The following COG7 variants were observed in gnomAD, a reference collection of about 807,000 sequenced individuals.
COG7 encodes component of oligomeric golgi complex 7.
COG7 carries 49 observed loss-of-function variants against 91.5 expected under a neutral mutation model. The ratio of observed to expected loss-of-function variants is 0.54; its 90% CI spans 0.43 to 0.68. The LOEUF is 0.68. Ranked by LOEUF, COG7 falls within the 30% of genes least tolerant of loss-of-function variation. The pLI is 0.00. For missense variants in COG7, 895 were observed against 961.3 expected, an observed-to-expected ratio of 0.93 and a Z score of 0.91; for synonymous variants, 365 against 388.7, an observed-to-expected ratio of 0.94 and a Z score of 0.72.
chr16:23,407,756 T>A (rs1369397647), intron 11 of COG7, among the ~76,000 whole-genome samples: 2 of 152,112 alleles, frequency 1.3e-5, no homozygotes, highest in Admixed American at 1.3e-4. Flanking sequence ...GAAGGATGGG[T>A]GACCCTGGCT....
chr16:23,431,917 G>A (rs565299694), intron 6 of COG7, among the ~76,000 whole-genome samples: 1 of 152,126 alleles, frequency 6.6e-6, no homozygotes, highest in East Asian at 1.9e-4. Context: ...CAAAGTGGGA[G>A]GATTACTTGA....
chr16:23,452,465 C>G (rs1040187307), intron 1 of COG7, among the ~76,000 whole-genome samples: 1 of 151,896 alleles, frequency 6.6e-6, no homozygotes, highest in Non-Finnish European at 1.5e-5. Context: ...CCTAGCGACT[C>G]GAGAGGCGAG....
intron 4 of COG7, among the ~76,000 whole-genome samples, chr16:23,439,072 C>A (rs192655721): frequency 6.6e-6 from 1 of 150,384 alleles, no homozygotes; most frequent in Non-Finnish European, 1.5e-5. Flanking sequence ...GCACAAGAAT[C>A]GCTTCAATCT....
intron 4 of COG7, 85 bp from the exon 5 acceptor site, chr16:23,434,803 T>C (rs1018001414): frequency 1.2e-5 from 10 of 863,994 alleles, no homozygotes; most frequent in Admixed American, 5.6e-5. Flanking sequence ...AAGGTGGATA[T>C]ATGGAAGCTA....
chr16:23,392,358 C>T (rs369261201), intron 16 of COG7, 22 bp downstream of exon 16: 5 of 1,613,914 alleles, frequency 3.1e-6, no homozygotes, highest in African/African-American at 1.3e-5. Flanking sequence ...TCCCTCCCAC[C>T]GCCTGTCTTG....
In COG7 at chr16:23,406,253, G is replaced by A. The variant is rs1208681624; in HGVS notation, c.1485C>T (p.Ser495=). 3 of 1,613,776 alleles carry A rather than the reference G, an allele frequency of 1.9e-6. No individual in the cohort carries two copies. Among genetic ancestry groups the A allele is most frequent in the East Asian group, 4.5e-5 (2 of 44,888 alleles). The change falls in exon 12 of 17, where the codon TCC becomes TCT. Residue 495 remains serine (S), a synonymous_variant. Transcript: ENST00000307149. ...FEQQLANRIL[S]TAGKYLSDSC... ...AATCAGATAGATACTTCCCAGCTGT[G>A]GACAAAATCCTGTAATGAAAGGAAT...
chr16:23,393,232 C>CAA lies in COG7; in HGVS notation c.2002_2002+1insTT (p.Gly668ValfsTer37). ...CATCGCCAGAAACGGTCCCCGCTTA[C>CAA]CCTGCTCAGGAGGAAATGGCAGCTT... On this transcript the variant is annotated frameshift_variant and splice_region_variant. Transcript: ENST00000307149. LOFTEE classifies it high-confidence loss of function. 1 of 1,611,354 alleles carries CAA rather than the reference C, an allele frequency of 6.2e-7. No individual in the cohort carries two copies. The highest frequency in any genetic ancestry group is 8.5e-7 in the Non-Finnish European group (1 of 1,177,828).
chr16:23,433,236 T>C (rs1300122856), intron 6 of COG7, among the ~76,000 whole-genome samples: 1 of 152,010 alleles, frequency 6.6e-6, no homozygotes, highest in Non-Finnish European at 1.5e-5. Flanking sequence ...TCCTTAGTAA[T>C]TGTGCCACCA....
chr16:23,449,159 C>T (rs991647455), intron 1 of COG7, among the ~76,000 whole-genome samples: 10 of 151,806 alleles, frequency 6.6e-5, no homozygotes, highest in South Asian at 2.1e-4. Context: ...GTCAGGAGAT[C>T]GAGACCATTC....
rs898850977 is a variant in COG7, at chr16:23,428,692, CT to C, written c.811-3746del. Among the ~76,000 whole-genome samples the C allele has an allele frequency of 1.7e-3, 232 of 134,652 alleles. 1 individual carries two copies. Among genetic ancestry groups the C allele is most frequent in the South Asian group, 8.5e-3 (35 of 4,102 alleles). The allele number at this position is 134,652 out of a possible 152,430, so 88.3% of individuals were successfully genotyped here. On this transcript the variant is annotated intron_variant, in intron 6 of 16. Coordinates refer to ENST00000307149, the MANE Select transcript of COG7 (RefSeq NM_153603.4). ...TTTGAGCAATGTGGTTGTTTCTTTTCTTTTTTTTTTTTTTTTTGAGATGGAG... is the reference window on the plus strand; with the variant it reads ...TTTGAGCAATGTGGTTGTTTCTTTTCTTTTTTTTTTTTTTTTGAGATGGAG...
intron 16 of COG7, 113 bp from the exon 17 acceptor site, chr16:23,389,199 C>A: frequency 1.5e-6 from 2 of 1,325,838 alleles, no homozygotes; most frequent in East Asian, 2.5e-5. Flanking sequence ...TGCCAAGTCC[C>A]TAGATGTGGG....
In COG7 at chr16:23,418,691, C is replaced by G; in HGVS notation, c.1137+9G>C. On this transcript the variant is annotated intron_variant, in intron 8 of 16. Transcript: ENST00000307149. The stretch of plus-strand genomic sequence containing the variant: ...CTTCCTCAGTGGCCCCAGGACACTG[C>G]GACTTTACCAGAGGCACAGCACTCA... The G allele has an allele frequency of 6.2e-7, 1 of 1,612,860 alleles. No homozygotes were observed. Among genetic ancestry groups the G allele is most frequent in the Non-Finnish European group, 8.5e-7 (1 of 1,179,594 alleles).
chr16:23,440,950 C>A (rs1964091095), intron 4 of COG7, among the ~76,000 whole-genome samples: 1 of 151,728 alleles, frequency 6.6e-6, no homozygotes. Flanking sequence ...TGAGAGGGAG[C>A]AGGCAAACAT....
chr16:23,396,671 T>C (rs535788416), intron 14 of COG7, among the ~76,000 whole-genome samples: 4 of 151,742 alleles, frequency 2.6e-5, no homozygotes, highest in Non-Finnish European at 5.9e-5. Context: ...AGAGGCTCCA[T>C]CTCAAAAATA....
rs188205055 is a variant in COG7 at position 23,402,415 on chromosome 16, A to T, written c.1803+1279T>A. ...TAAATACCTATACAATTTTTATTTT[A>T]AAAAAATCAAGTAAGTCATTCTTCT... On this transcript the variant is annotated intron_variant, in intron 13 of 16. Coordinates refer to ENST00000307149, the MANE Select transcript of COG7 (RefSeq NM_153603.4). Among the ~76,000 whole-genome samples, 288 of 151,382 alleles carry T rather than the reference A, an allele frequency of 1.9e-3. 2 individuals carry two copies. Among genetic ancestry groups the T allele is most frequent in the African/African-American group, 6.8e-3 (281 of 41,342 alleles).
intron 11 of COG7, among the ~76,000 whole-genome samples, chr16:23,409,088 T>TGTGTGTGCGCGCGC (rs567307217): frequency 4.9e-4 from 73 of 147,912 alleles, no homozygotes; most frequent in African/African-American, 1.4e-3. Context: ...TGTGTGTGTG[T>TGTGTGTGCGCGCGC]GCGTGCATGT....
intron 1 of COG7, among the ~76,000 whole-genome samples, chr16:23,447,733 C>T (rs1482156509): frequency 6.6e-6 from 1 of 151,644 alleles, no homozygotes; most frequent in Non-Finnish European, 1.5e-5. Flanking sequence ...AACCCTGTCT[C>T]TACTAAAAAT....
At chr16:23,395,996 C>A (rs1018165627) in intron 14 of COG7, among the ~76,000 whole-genome samples, 1 of 152,212 alleles carries the variant, frequency 6.6e-6, no homozygotes, top group Non-Finnish European at 1.5e-5. Context: ...GTGCTATGCA[C>A]GTAAAGCAGC....
intron 4 of COG7, among the ~76,000 whole-genome samples, chr16:23,435,277 G>T (rs1963996900): frequency 6.6e-6 from 1 of 152,102 alleles, no homozygotes; most frequent in Non-Finnish European, 1.5e-5. Context: ...TGAGGGAGGA[G>T]AATTGGTTGA....
Sources: allele counts gnomAD v4.1 joint callset (sites outside exome capture counted in the v4.1 genomes callset), GRCh38; gene constraint gnomAD v4.1.1; transcripts MANE v1.5; gene names NCBI Gene and HGNC (gene_info 2026-07-23, HGNC 2026-07-21).